The following ATP2A2 variants were observed in gnomAD, a reference collection of about 807,000 sequenced individuals.
ATP2A2 encodes the protein sarcoplasmic/endoplasmic reticulum calcium ATPase 2.
Under a neutral mutation model 109.3 loss-of-function variants are expected in ATP2A2, and 14 were observed. The observed-to-expected ratio is 0.13, with a 90% CI of 0.08 to 0.20. ATP2A2 has a LOEUF of 0.20. Ranked by LOEUF, ATP2A2 falls within the 10% of genes least tolerant of loss-of-function variation. ATP2A2 has a pLI of 1.00. For synonymous variants in ATP2A2, 506 were observed against 490.9 expected, an observed-to-expected ratio of 1.03 and a Z score of -0.41; for missense variants, 657 against 1,321.6, an observed-to-expected ratio of 0.50 and a Z score of 7.80.
At chr12:110,314,853 T>C (rs938721081) in intron 5 of ATP2A2, among the ~76,000 whole-genome samples, 1 of 151,426 alleles carries the variant, frequency 6.6e-6, no homozygotes, top group Non-Finnish European at 1.5e-5. Flanking sequence ...GTCCAGAAAA[T>C]CCAGAAGATA....
chr12:110,313,991 A>G (rs1259209309), intron 5 of ATP2A2, among the ~76,000 whole-genome samples: 1 of 151,316 alleles, frequency 6.6e-6, no homozygotes, highest in African/African-American at 2.4e-5. Flanking sequence ...TTGGGATTAC[A>G]GGCATGAGCC....
chr12:110,300,455 C>T (rs531537449), intron 5 of ATP2A2, among the ~76,000 whole-genome samples: 13 of 147,352 alleles, frequency 8.8e-5, no homozygotes, highest in African/African-American at 3.0e-4. Flanking sequence ...CCCAGGTTTA[C>T]GCCATTCTCC....
intron 10 of ATP2A2, 127 bp from the exon 11 acceptor site, chr12:110,333,885 G>A: frequency 1.6e-6 from 2 of 1,216,334 alleles, no homozygotes; most frequent in Non-Finnish European, 1.2e-6. Context: ...TTCAGAGGAG[G>A]ATAAAAATGG....
Position 110,346,823 on chromosome 12 carries a change from G to A in ATP2A2, c.*353G>A. The A allele has an allele frequency of 8.8e-7, 1 of 1,132,114 alleles. No individual in the cohort carries two copies. Among genetic ancestry groups the A allele is most frequent in the Non-Finnish European group, 1.1e-6 (1 of 918,878 alleles). 70.1% of individuals were successfully genotyped at this position (1,132,114 alleles called of 1,614,324 possible). On this transcript the variant is annotated 3_prime_UTR_variant, in exon 20 of 20. Transcript: ENST00000539276. ...CAAATTAATTGGCAGCAGATTTTAG[G>A]AAATGAATGTGTGTGGTTTTTTTTC... is the stretch of plus-strand genomic sequence containing the variant.
At chr12:110,311,894 TGCA>T (rs1876116343) in intron 5 of ATP2A2, among the ~76,000 whole-genome samples, 1 of 151,754 alleles carries the variant, frequency 6.6e-6, no homozygotes, top group African/African-American at 2.4e-5. Flanking sequence ...TTTAAAAACT[TGCA>T]TAGTGAGGCT....
At chr12:110,302,748 A>G (rs1288837611) in intron 5 of ATP2A2, among the ~76,000 whole-genome samples, 1 of 151,942 alleles carries the variant, frequency 6.6e-6, no homozygotes, top group Non-Finnish European at 1.5e-5. Flanking sequence ...ACCAGCATGC[A>G]CCACCACACC....
chr12:110,324,159 A>G (rs1877527452), intron 6 of ATP2A2, among the ~76,000 whole-genome samples: 2 of 152,242 alleles, frequency 1.3e-5, no homozygotes, highest in Non-Finnish European at 2.9e-5. Context: ...AACTTGGATT[A>G]AATAGTAAAC....
At chr12:110,286,700 T>TAA (rs769437237) in intron 3 of ATP2A2, among the ~76,000 whole-genome samples, 6 of 141,290 alleles carry the variant, frequency 4.2e-5, no homozygotes, top group African/African-American at 7.7e-5. Context: ...CCTCTTTATT[T>TAA]AAAAAAAAAA....
intron 3 of ATP2A2, 117 bp from the exon 4 acceptor site, chr12:110,291,903 T>A: frequency 1.1e-6 from 1 of 915,372 alleles, no homozygotes; most frequent in Non-Finnish European, 1.8e-6. Flanking sequence ...TGCCTTGGCC[T>A]CCCAAAGTGC....
In ATP2A2 at chr12:110,339,417, A is replaced by C; in HGVS notation, c.1542+14A>C. 1 of 1,614,238 alleles carries C rather than the reference A, an allele frequency of 6.2e-7. No homozygotes were observed. Among genetic ancestry groups the C allele is most frequent in the Non-Finnish European group, 8.5e-7 (1 of 1,180,048 alleles). ...ATGTTTGTGAAGGCAAGTATGGCAG[A>C]TTGCAATTGAGATGTTCTTGCCAGG... On this transcript the variant is annotated intron_variant, in intron 12 of 19. Coordinates refer to ENST00000539276, the MANE Select transcript of ATP2A2 (RefSeq NM_170665.4). This position sits in a 1 kb window ranked among gnomAD's most constrained non-coding sequence, Gnocchi z 4.4.
Position 110,333,291 on chromosome 12 carries a change from T to C in ATP2A2, c.1287+8T>C, listed in dbSNP as rs368894628. 5 of 1,600,082 alleles carry C rather than the reference T, an allele frequency of 3.1e-6. No individual in the cohort carries two copies. In the African/African-American group the frequency reaches 6.7e-5, roughly 21 times the overall value. On this transcript the variant is annotated splice_region_variant and intron_variant, in intron 10 of 19. Coordinates refer to ENST00000539276, the MANE Select transcript of ATP2A2 (RefSeq NM_170665.4). ...GCTTTGGATTACAATGAGGTAAGTC[T>C]CTTCATAAATTAGAAGGAATGGCTG...
intron 5 of ATP2A2, among the ~76,000 whole-genome samples, chr12:110,321,995 C>A (rs1458287952): frequency 6.8e-6 from 1 of 147,252 alleles, no homozygotes; most frequent in Non-Finnish European, 1.5e-5. Context: ...ATTGATATTT[C>A]TTTTTTTTTT....
rs1407383999 is a variant in ATP2A2 at position 110,340,305 on chromosome 12, G to A, written c.1762-354G>A. The stretch of plus-strand genomic sequence containing the variant: ...TGTAATCTCAGCACTTTGGGAGGCC[G>A]AGGCTGGCAGATCACCTGGGGTTGG... On this transcript the variant is annotated intron_variant, in intron 13 of 19. Transcript: ENST00000539276. The surrounding 1 kb of genome is among the most constrained non-coding windows in gnomAD (Gnocchi z 6.0). 2.0e-5 allele frequency among the ~76,000 whole-genome samples: 3 copies of A among 152,180 alleles called. No individual in the cohort carries two copies. Among genetic ancestry groups the A allele is most frequent in the East Asian group, 1.9e-4 (1 of 5,176 alleles).
At chr12:110,285,677 G>T (rs1382141201) in intron 3 of ATP2A2, among the ~76,000 whole-genome samples, 1 of 152,076 alleles carries the variant, frequency 6.6e-6, no homozygotes, top group African/African-American at 2.4e-5. Flanking sequence ...TGAAGGAGGT[G>T]GGCATTAGGG....
chr12:110,340,724 C>A lies in ATP2A2; in HGVS notation c.1827C>A (p.Ser609=). The change falls in exon 14 of 20, where the codon TCC becomes TCA. Residue 609 remains serine, a synonymous_variant. Coordinates refer to ENST00000539276, the MANE Select transcript of ATP2A2 (RefSeq NM_170665.4). The surrounding 1 kb of genome is among the most constrained non-coding windows in gnomAD (Gnocchi z 6.0). The part of the protein sequence containing the change: ...LDPPRIEVAS[S]VKLCRQAGIR... Reference sequence around the variant, plus strand: ...CTCCGAGAATCGAGGTGGCCTCCTCCGTGAAGCTGTGCCGGCAAGCAGGCA... The same window carrying A: ...CTCCGAGAATCGAGGTGGCCTCCTCAGTGAAGCTGTGCCGGCAAGCAGGCA... 1.2e-6 allele frequency: 2 copies of A among 1,614,032 alleles called. No individual in the cohort carries two copies. Among genetic ancestry groups the A allele is most frequent in the Non-Finnish European group, 1.7e-6 (2 of 1,180,002 alleles).
At chr12:110,333,131 T>A in intron 9 of ATP2A2, 50 bp from the exon 10 acceptor site, 1 of 1,478,654 alleles carries the variant, frequency 6.8e-7, no homozygotes, top group Non-Finnish European at 9.4e-7. Flanking sequence ...GCGGGAGGAA[T>A]CAATAGTGGC....
intron 5 of ATP2A2, among the ~76,000 whole-genome samples, chr12:110,305,428 A>G (rs952850194): frequency 2.0e-5 from 3 of 152,146 alleles, no homozygotes; most frequent in Non-Finnish European, 2.9e-5. Context: ...ACAACAGCAA[A>G]AACTATGGTG....
chr12:110,337,239 G>C (rs1194020585), intron 11 of ATP2A2, among the ~76,000 whole-genome samples: 1 of 152,154 alleles, frequency 6.6e-6, no homozygotes, highest in African/African-American at 2.4e-5. Context: ...TGAGACAGCA[G>C]GAACCCATGT....
intron 5 of ATP2A2, among the ~76,000 whole-genome samples, chr12:110,308,913 G>A (rs916078264): frequency 3.3e-5 from 5 of 152,016 alleles, no homozygotes; most frequent in African/African-American, 4.8e-5. Flanking sequence ...AAACTAATTC[G>A]AAGCTGAAAA....
Sources: allele counts gnomAD v4.1 joint callset (sites outside exome capture counted in the v4.1 genomes callset), GRCh38; gene constraint gnomAD v4.1.1; non-coding constraint Gnocchi (gnomAD v3.1); transcripts MANE v1.5; gene names NCBI Gene and HGNC (gene_info 2026-07-23, HGNC 2026-07-21).